Variants in HABP2 observed in about 807,000 individuals in gnomAD.
The protein encoded by HABP2 is hyaluronan binding protein 2.
HABP2 carries 65 observed loss-of-function variants against 66.5 expected under a neutral mutation model. The observed-to-expected ratio is 0.98, with a 90% confidence interval of 0.80 to 1.20. HABP2 has a LOEUF of 1.20. HABP2 is among the 50% of genes most tolerant of loss of function. The pLI is 0.00. For synonymous variants in HABP2, 263 were observed against 253.9 expected (o/e 1.04, Z -0.34); for missense variants, 786 against 691.0 (o/e 1.14, Z -1.54).
intron 11 of HABP2, among the ~76,000 whole-genome samples, chr10:113,585,373 G>C (rs1001021293): frequency 2.6e-5 from 4 of 152,184 alleles, no homozygotes; most frequent in African/African-American, 9.7e-5. Context: ...TTTGATTGAT[G>C]TCATTATCTT....
At chr10:113,586,679 A>G (rs1845642537) in intron 12 of HABP2, among the ~76,000 whole-genome samples, 1 of 152,080 alleles carries the variant, frequency 6.6e-6, no homozygotes, top group Non-Finnish European at 1.5e-5. Context: ...ATCTGTAGGG[A>G]TCACATCACA....
upstream of HABP2, among the ~76,000 whole-genome samples, chr10:113,551,807 A>AAATAAT (rs767242914): frequency 1.1e-4 from 17 of 151,298 alleles, no homozygotes; most frequent in African/African-American, 3.2e-4. Context: ...CTCTGTCTCA[A>AAATAAT]AATAATAATA....
intron 1 of HABP2, among the ~76,000 whole-genome samples, chr10:113,562,278 A>G (rs1169488054): frequency 3.3e-5 from 5 of 152,164 alleles, no homozygotes; most frequent in African/African-American, 1.2e-4. Context: ...AGAAGTGGGC[A>G]GTGGCTTACG....
intron 9 of HABP2, among the ~76,000 whole-genome samples, chr10:113,582,761 C>A (rs761818748): frequency 2.0e-5 from 3 of 152,214 alleles, no homozygotes; most frequent in Non-Finnish European, 4.4e-5. Flanking sequence ...ACCCCCTCTT[C>A]TGAGCTCCCT....
chr10:113,568,063 T>C (rs749803905), intron 2 of HABP2, among the ~76,000 whole-genome samples: 7 of 152,242 alleles, frequency 4.6e-5, no homozygotes, highest in Non-Finnish European at 7.3e-5. Context: ...TCCTGTATCT[T>C]CACAAGGGCT....
At chr10:113,567,661 A>C (rs532531915) in intron 2 of HABP2, 136 bp downstream of exon 2, 75 of 696,942 alleles carry the variant, frequency 1.1e-4, no homozygotes, top group Non-Finnish European at 1.9e-4. Context: ...GGCACCTTTG[A>C]GAACTTGCCC....
rs1358942818 is a variant in HABP2, at chr10:113,588,920, G to C, written c.*551G>C. 3 of 1,412,646 alleles carry C rather than the reference G, an allele frequency of 2.1e-6. No individual in the cohort carries two copies. In the East Asian group the frequency reaches 6.8e-5, roughly 32 times the overall value. 87.5% of individuals were successfully genotyped at this position (1,412,646 alleles called of 1,614,324 possible). ...CCGAAATCAAAGCCATCTGAAGCCT[G>C]TCTCTGGTGAACAAACTTCCTCTCT... On this transcript the variant is annotated 3_prime_UTR_variant, in exon 13 of 13. Transcript: ENST00000351270.
chr10:113,562,070 G>A (rs530119144), intron 1 of HABP2, among the ~76,000 whole-genome samples: 8 of 152,280 alleles, frequency 5.3e-5, no homozygotes, highest in African/African-American at 1.7e-4. Context: ...AGTGTCCTGA[G>A]CCAGGGATCC....
chr10:113,582,092 T>A lies in HABP2; in HGVS notation c.1055T>A (p.Ile352Asn). The change falls in exon 9 of 13, where the codon ATC becomes AAC. Residue 352 changes from isoleucine to asparagine, a missense_variant. Coordinates refer to ENST00000351270, the MANE Select transcript of HABP2 (RefSeq NM_004132.5). ...GGCCACTTCTGTGGTGGGGCGCTGA[T>A]CCACCCCTGCTGGGTGCTCACTGCT... ...PQGHFCGGAL[I>N]HPCWVLTAAH... 1 of 1,610,730 alleles carries A rather than the reference T, an allele frequency of 6.2e-7. No homozygotes were observed. The highest frequency in any genetic ancestry group is 8.5e-7 in the Non-Finnish European group (1 of 1,179,764).
Position 113,588,694 on chromosome 10 carries a change from A to AGACT in HABP2, c.*326_*329dup. 5.6e-6 allele frequency: 3 copies of AGACT among 538,528 alleles called. No individual in the cohort carries two copies. The highest frequency in any genetic ancestry group is 9.8e-6 in the Non-Finnish European group (3 of 306,758). The allele number at this position is 538,528 out of a possible 1,614,324, so 33.4% of individuals were successfully genotyped here. A position where few individuals can be genotyped will look rare whatever the true frequency, so the allele number is the denominator to read the frequency against. On this transcript the variant is annotated 3_prime_UTR_variant, in exon 13 of 13. Coordinates refer to ENST00000351270, the MANE Select transcript of HABP2 (RefSeq NM_004132.5). The stretch of plus-strand genomic sequence containing the variant: ...TCCACCACAGGCATCCTGCAAATGC[A>AGACT]GACTCCAGAATCCCCAGCATCAGCG...
At chr10:113,584,010 G>T in intron 10 of HABP2, 138 bp from the exon 11 acceptor site, 1 of 653,632 alleles carries the variant, frequency 1.5e-6, no homozygotes, top group Admixed American at 2.7e-5. Flanking sequence ...AATATGAAAT[G>T]ACCACGGAAG....
At chr10:113,558,856 T>A (rs1295465229) in intron 1 of HABP2, among the ~76,000 whole-genome samples, 3 of 152,126 alleles carry the variant, frequency 2.0e-5, no homozygotes, top group African/African-American at 7.2e-5. Flanking sequence ...TTGCTTGTCT[T>A]AATTTTTTTT....
intron 8 of HABP2, 135 bp from the exon 9 acceptor site, chr10:113,581,741 T>G: frequency 1.3e-6 from 1 of 787,372 alleles, no homozygotes; most frequent in Non-Finnish European, 2.1e-6. Flanking sequence ...ATGCCCACCC[T>G]GTCTGCACCA....
rs1845402056 is a variant in HABP2, at chr10:113,575,970, C to T, written c.297C>T (p.Cys99=). Residue 99 remains cysteine, a synonymous_variant, in exon 4 of 13, where the codon TGC becomes TGT. Transcript: ENST00000351270. ...ATGGGAGCACCTTCACATGCAGCTG[C>T]CTGGCTCCTTTCTCTGGGAATAAGT... is the stretch of plus-strand genomic sequence containing the variant. ...LVHGSTFTCS[C]LAPFSGNKCQ... The T allele has an allele frequency of 1.9e-6, 3 of 1,608,666 alleles. No individual in the cohort carries two copies. Among genetic ancestry groups the T allele is most frequent in the Non-Finnish European group, 8.5e-7 (1 of 1,175,072 alleles).
intron 12 of HABP2, 151 bp downstream of exon 12, chr10:113,586,089 C>T (rs1845627891): frequency 1.5e-6 from 1 of 665,362 alleles, no homozygotes; most frequent in East Asian, 2.7e-5. Flanking sequence ...GCCCCCTGGC[C>T]CTCTGGTGCA....
At chr10:113,578,208 T>G in intron 6 of HABP2, 63 bp downstream of exon 6, 2 of 1,560,850 alleles carry the variant, frequency 1.3e-6, no homozygotes, top group Non-Finnish European at 1.8e-6. Context: ...CCTCTCTGGG[T>G]TTTGTTGCCA....
chr10:113,577,132 G>T lies in HABP2; in HGVS notation c.332-18G>T. The T allele has an allele frequency of 7.3e-7, 1 of 1,375,578 alleles. No individual in the cohort carries two copies. The highest frequency in any genetic ancestry group is 1.2e-5 in the South Asian group (1 of 86,218). The allele number at this position is 1,375,578 out of a possible 1,614,324, so 85.2% of individuals were successfully genotyped here. A position where few individuals can be genotyped will look rare whatever the true frequency, so the allele number is the denominator to read the frequency against. ...AAATGTGCCCCAAATAATGTCTTAT[G>T]TTATGGATCTCCTACAGTGCAAAAT... On this transcript the variant is annotated intron_variant, in intron 4 of 12. Coordinates refer to ENST00000351270, the MANE Select transcript of HABP2 (RefSeq NM_004132.5).
chr10:113,583,164 A>C lies in HABP2; in HGVS notation c.1095-52A>C, dbSNP rs375288922. 6.8e-5 allele frequency: 108 copies of C among 1,581,432 alleles called. No individual in the cohort carries two copies. The East Asian group carries it at 8.7e-4, about 13-fold the overall frequency. ...CAGAAGGTCAGATTTGCCAAAGGCCACACAGCTGAGCAGAAACAGTGCCTT... is the reference window on the plus strand; with the variant it reads ...CAGAAGGTCAGATTTGCCAAAGGCCCCACAGCTGAGCAGAAACAGTGCCTT... On this transcript the variant is annotated intron_variant, in intron 9 of 12. Coordinates refer to ENST00000351270, the MANE Select transcript of HABP2 (RefSeq NM_004132.5).
intron 8 of HABP2, 41 bp downstream of exon 8, chr10:113,580,733 G>GA (rs764325887): frequency 1.1e-5 from 11 of 1,006,050 alleles, no homozygotes; most frequent in South Asian, 3.8e-5. Context: ...GGGTGGGGGG[G>GA]ATGGAGATTT....
Sources: gnomAD v4.1 joint callset for allele counts (sites outside exome capture counted in the v4.1 genomes callset) on GRCh38, gnomAD v4.1.1 for gene constraint, MANE v1.5 for transcripts, NCBI Gene and HGNC (gene_info 2026-07-23, HGNC 2026-07-21) for gene names.